Variants in PIK3C2G observed in about 807,000 individuals in gnomAD.
The protein encoded by PIK3C2G is phosphatidylinositol 3-kinase C2 domain-containing subunit gamma.
A neutral mutation model predicts 181.1 loss-of-function variants in PIK3C2G; 168 were observed. The observed-to-expected ratio is 0.93, with a 90% CI of 0.82 to 1.05. The LOEUF (loss-of-function observed/expected upper bound fraction) is 1.05. Ranked by LOEUF, PIK3C2G falls within the 50% of genes least tolerant of loss-of-function variation. The pLI is 0.00. For missense variants in PIK3C2G, 1,869 were observed against 1,732.8 expected (o/e 1.08, Z -1.40); for synonymous variants, 573 against 592.2 (o/e 0.97, Z 0.47).
the PIK3C2G span, chr12:18,693,102 G>A: frequency 3.9e-6 from 6 of 1,526,666 alleles, no homozygotes; most frequent in Non-Finnish European, 5.4e-6. Context: ...CCCAATGTCA[G>A]TAGGAATCTT....
intron 2 of PIK3C2G, among the ~76,000 whole-genome samples, chr12:18,284,956 T>G (rs939666821): frequency 1.1e-4 from 17 of 152,236 alleles, no homozygotes; most frequent in African/African-American, 4.1e-4. Context: ...AAAATTAATT[T>G]GAAGAAATAA....
chr12:18,585,076 A>G (rs912516918), intron 29 of PIK3C2G, among the ~76,000 whole-genome samples: 1 of 152,186 alleles, frequency 6.6e-6, no homozygotes, highest in African/African-American at 2.4e-5. Flanking sequence ...TTATTATCAG[A>G]TGATACAGAA....
At chr12:18,650,708 ATATC>A (rs1565602616), downstream of PIK3C2G, among the ~76,000 whole-genome samples, 548 of 7,694 alleles carry the variant, frequency 0.071, 59 homozygotes, top group Non-Finnish European at 0.098. Context: ...GTGTGTGTAT[ATATC>A]TATATATATA....
chr12:18,714,871 G>C, the PIK3C2G span: 1 of 151,976 alleles, frequency 6.6e-6, no homozygotes, highest in Non-Finnish European at 1.5e-5. Context: ...AAAATGAAAA[G>C]TTTGAGAAAC....
intron 18 of PIK3C2G, among the ~76,000 whole-genome samples, chr12:18,485,071 A>T (rs1939903758): frequency 6.6e-6 from 1 of 152,108 alleles, no homozygotes; most frequent in Admixed American, 6.6e-5. Context: ...TCCTCTCTTG[A>T]CCCACAGAAA....
the PIK3C2G span, among the ~76,000 whole-genome samples, chr12:18,722,785 C>G: frequency 6.6e-6 from 1 of 151,370 alleles, no homozygotes; most frequent in East Asian, 1.9e-4. Flanking sequence ...GAAGAACAAG[C>G]GAAAAGTATA....
intron 18 of PIK3C2G, among the ~76,000 whole-genome samples, chr12:18,436,376 A>T (rs1261824794): frequency 2.0e-5 from 3 of 152,126 alleles, no homozygotes; most frequent in African/African-American, 7.2e-5. Context: ...GACTCAGCTT[A>T]CATGATTGGT....
rs185920504 is a variant in PIK3C2G, at chr12:18,273,227, G to A, written c.-78-8777G>A. Among the ~76,000 whole-genome samples, 914 of 152,168 alleles carry A rather than the reference G, an allele frequency of 6.0e-3. 4 individuals are homozygous for A. Among genetic ancestry groups the A allele is most frequent in the Non-Finnish European group, 9.0e-3 (613 of 67,990 alleles). ...TTTTCCAGCACCATTTATTAAATAG[G>A]GAATCCTTTCCCCATTGCTTGTTTT... On this transcript the variant is annotated intron_variant, in intron 1 of 32. Transcript: ENST00000538779.
At chr12:18,488,881 G>A (rs542626732) in intron 19 of PIK3C2G, among the ~76,000 whole-genome samples, 2 of 152,100 alleles carry the variant, frequency 1.3e-5, no homozygotes, top group South Asian at 4.2e-4. Context: ...AAAGACCAAC[G>A]TATAGGCAGT....
chr12:18,496,224 A>C, intron 21 of PIK3C2G, 70 bp downstream of exon 21: 2 of 925,238 alleles, frequency 2.2e-6, no homozygotes, highest in Non-Finnish European at 3.2e-6. Context: ...TCACAAAAAG[A>C]AATTGTTGTG....
chr12:18,427,583 G>A (rs1016962162), intron 18 of PIK3C2G, among the ~76,000 whole-genome samples: 1 of 150,622 alleles, frequency 6.6e-6, no homozygotes, highest in African/African-American at 2.4e-5. Context: ...ACTAACGATT[G>A]TTAAAATACT....
At chr12:18,626,356 T>A (rs931993840) in intron 31 of PIK3C2G, among the ~76,000 whole-genome samples, 2 of 152,054 alleles carry the variant, frequency 1.3e-5, no homozygotes, top group African/African-American at 4.8e-5. Context: ...ATATATATTA[T>A]TTTGTAATAT....
intron 6 of PIK3C2G, 41 bp from the exon 7 acceptor site, chr12:18,320,921 C>G (rs1197300755): frequency 2.7e-6 from 3 of 1,101,586 alleles, no homozygotes; most frequent in Non-Finnish European, 4.1e-6. Context: ...GTACTCATTC[C>G]TATTCACTCA....
rs779581684 is a variant in PIK3C2G at position 18,505,338 on chromosome 12, C to A, written c.3200C>A (p.Thr1067Lys). The A allele has an allele frequency of 9.9e-6, 16 of 1,612,540 alleles. No individual in the cohort carries two copies. Among genetic ancestry groups the A allele is most frequent in the East Asian group, 2.2e-5 (1 of 44,860 alleles). Reference protein sequence around the residue: ...FYSCAGWCVVTFILGVCDRHN... With the variant: ...FYSCAGWCVVKFILGVCDRHN... ...TCCTGTGCTGGCTGGTGTGTGGTAA[C>A]ATTCATCCTGGGAGTATGTGACCGT... Residue 1067 changes from threonine (T) to lysine (K), a missense_variant, in exon 24 of 33, where the codon ACA (threonine) becomes AAA (lysine). Physicochemically the swap from Thr to Lys is moderately conservative, Grantham distance 78. Transcript: ENST00000538779.
intron 24 of PIK3C2G, among the ~76,000 whole-genome samples, chr12:18,525,193 CCAGCTGGGCCAACATGA>C (rs1943154184): frequency 2.6e-5 from 4 of 151,860 alleles, no homozygotes; most frequent in Non-Finnish European, 5.9e-5. Context: ...AAGTTTGAGA[CCAGCTGGGCCAACATGA>C]TAAAACCCCG....
At chr12:18,486,622 T>C (rs1347058827) in intron 18 of PIK3C2G, among the ~76,000 whole-genome samples, 1 of 151,992 alleles carries the variant, frequency 6.6e-6, no homozygotes, top group Non-Finnish European at 1.5e-5. Flanking sequence ...TGGGTAGTCA[T>C]AGAGTTATAT....
At chr12:18,398,974 T>A (rs897619886) in intron 15 of PIK3C2G, among the ~76,000 whole-genome samples, 2 of 151,836 alleles carry the variant, frequency 1.3e-5, no homozygotes, top group African/African-American at 4.8e-5. Flanking sequence ...GGCGGGCGGA[T>A]CACGAGGTCA....
At chr12:18,318,617 A>G (rs912875153) in intron 6 of PIK3C2G, among the ~76,000 whole-genome samples, 1 of 152,066 alleles carries the variant, frequency 6.6e-6, no homozygotes, top group African/African-American at 2.4e-5. Flanking sequence ...TACTAGGAAT[A>G]TGACTATCAT....
chr12:18,575,946 T>C (rs1048770214), intron 29 of PIK3C2G, among the ~76,000 whole-genome samples: 1 of 152,174 alleles, frequency 6.6e-6, no homozygotes, highest in Admixed American at 6.5e-5. Context: ...ATTGAAAACC[T>C]AAGGGACTGA....
Sources: gnomAD v4.1 joint callset for allele counts (sites outside exome capture counted in the v4.1 genomes callset) on GRCh38, gnomAD v4.1.1 for gene constraint, MANE v1.5 for transcripts, NCBI Gene and HGNC (gene_info 2026-07-23, HGNC 2026-07-21) for gene names.